GRIK4: variants seen among roughly 807,000 people sequenced by gnomAD.
GRIK4 encodes glutamate receptor ionotropic, kainate 4.
In GRIK4, 40 loss-of-function variants were observed where a neutral mutation model predicts 104.9. The observed-to-expected ratio is 0.38, with a 90% CI of 0.30 to 0.50. The LOEUF (loss-of-function observed/expected upper bound fraction) is 0.50, where lower values mean the gene tolerates loss of function less well. GRIK4 is among the 20% of genes least tolerant of loss of function. The pLI is 0.93. For missense variants in GRIK4, 1,047 were observed against 1,308.1 expected, an observed-to-expected ratio of 0.80 and a Z score of 3.08; for synonymous variants, 485 against 524.9, an observed-to-expected ratio of 0.92 and a Z score of 1.04.
At chr11:120,883,524 G>A (rs1375085022) in intron 11 of GRIK4, among the ~76,000 whole-genome samples, 1 of 152,176 alleles carries the variant, frequency 6.6e-6, no homozygotes, top group Non-Finnish European at 1.5e-5. Context: ...CAGGGACAAC[G>A]GTCAAGGGGC....
chr11:120,523,151 T>C (rs1052776613), intron 1 of GRIK4, among the ~76,000 whole-genome samples: 2 of 145,604 alleles, frequency 1.4e-5, no homozygotes, highest in African/African-American at 5.1e-5. Flanking sequence ...GAGCACAGAG[T>C]AGGCAACTAG....
At chr11:120,924,966 A>G (rs1316166516) in intron 13 of GRIK4, among the ~76,000 whole-genome samples, 2 of 152,222 alleles carry the variant, frequency 1.3e-5, no homozygotes, top group African/African-American at 4.8e-5. Flanking sequence ...ATAGGAAATG[A>G]GAAGGGGCCA....
At chr11:120,826,304 C>T (rs1015417578) in intron 6 of GRIK4, among the ~76,000 whole-genome samples, 12 of 152,060 alleles carry the variant, frequency 7.9e-5, no homozygotes, top group African/African-American at 2.9e-4. Flanking sequence ...ATGGGACGAC[C>T]GAGACCATCC....
rs10502237 is a variant in GRIK4 at position 120,524,395 on chromosome 11, C to T, written c.-159+12508C>T. ...AAGCTTGGATGGGCCGCCTTCGACT[C>T]GCAGATGTATGGGATTGAAAAGTCA... On this transcript the variant is annotated intron_variant, in intron 1 of 20. Transcript: ENST00000527524. The surrounding 1 kb of genome is among the most constrained non-coding windows in gnomAD (Gnocchi z 4.5). Among the ~76,000 whole-genome samples the T allele has an allele frequency of 0.012, 1,800 of 152,206 alleles. 35 individuals are homozygous for T. Among genetic ancestry groups the T allele is most frequent in the East Asian group, 0.058 (301 of 5,170 alleles).
intron 15 of GRIK4, among the ~76,000 whole-genome samples, chr11:120,954,641 G>A (rs768846547): frequency 1.3e-5 from 2 of 152,040 alleles, no homozygotes; most frequent in Non-Finnish European, 2.9e-5. Flanking sequence ...GCAGCCTAGA[G>A]CTTTCAACCA....
chr11:120,642,732 G>C (rs931942896), intron 1 of GRIK4, among the ~76,000 whole-genome samples: 1 of 152,146 alleles, frequency 6.6e-6, no homozygotes, highest in African/African-American at 2.4e-5. Flanking sequence ...AGCGGCCTTG[G>C]GTTCTCCTTG....
intron 3 of GRIK4, among the ~76,000 whole-genome samples, chr11:120,796,061 G>T (rs1378904269): frequency 1.4e-5 from 2 of 142,502 alleles, no homozygotes; most frequent in Admixed American, 1.4e-4. Flanking sequence ...TCCAAGACGG[G>T]GTCTCGCTCT....
intron 3 of GRIK4, among the ~76,000 whole-genome samples, chr11:120,681,192 T>C (rs894002902): frequency 1.3e-5 from 2 of 151,860 alleles, no homozygotes; most frequent in African/African-American, 2.4e-5. Context: ...AAGAAAGGGA[T>C]TGGGGAGGAA....
intron 3 of GRIK4, among the ~76,000 whole-genome samples, chr11:120,786,472 G>GC (rs1952277106): frequency 6.6e-6 from 1 of 152,098 alleles, no homozygotes; most frequent in African/African-American, 2.4e-5. Flanking sequence ...AGTGGAAAAG[G>GC]CCCAGTCCAT....
At chr11:120,655,315 A>G (rs557468589) in intron 2 of GRIK4, among the ~76,000 whole-genome samples, 61 of 152,020 alleles carry the variant, frequency 4.0e-4, no homozygotes, top group African/African-American at 1.3e-3. Context: ...AAGCACATGC[A>G]GGGGGCAGAG....
At chr11:120,540,409 T>G (rs1948021298) in intron 1 of GRIK4, among the ~76,000 whole-genome samples, 2 of 150,622 alleles carry the variant, frequency 1.3e-5, no homozygotes. Flanking sequence ...TCACTTGAGG[T>G]CAGGAGTTCG....
chr11:120,747,676 C>T (rs1394783507), intron 3 of GRIK4, among the ~76,000 whole-genome samples: 1 of 152,160 alleles, frequency 6.6e-6, no homozygotes, highest in Non-Finnish European at 1.5e-5. Context: ...GTGGTATTTT[C>T]GCTTAGTGAT....
intron 3 of GRIK4, among the ~76,000 whole-genome samples, chr11:120,709,988 AAGC>A (rs771987643): frequency 1.5e-4 from 23 of 152,332 alleles, no homozygotes; most frequent in Non-Finnish European, 2.1e-4. Context: ...GGAAACCAAG[AAGC>A]AGCCACGCAC....
chr11:120,975,157 T>C (rs1014705881), intron 19 of GRIK4, among the ~76,000 whole-genome samples: 6 of 152,176 alleles, frequency 3.9e-5, no homozygotes, highest in East Asian at 1.9e-4. Flanking sequence ...GCCAGTGGCA[T>C]TGACTCACAG....
At chr11:120,979,941 T>C (rs1944623945) in intron 19 of GRIK4, among the ~76,000 whole-genome samples, 1 of 151,322 alleles carries the variant, frequency 6.6e-6, no homozygotes, top group African/African-American at 2.4e-5. Flanking sequence ...TTCGAGTGAT[T>C]CTCCTATCTC....
intron 3 of GRIK4, among the ~76,000 whole-genome samples, chr11:120,690,056 A>C (rs1021375348): frequency 6.6e-6 from 1 of 152,124 alleles, no homozygotes; most frequent in Admixed American, 6.5e-5. Context: ...CATAAATTTT[A>C]TGTGAGGTTT....
chr11:120,531,624 G>A (rs2136081553), intron 1 of GRIK4, among the ~76,000 whole-genome samples: 1 of 151,694 alleles, frequency 6.6e-6, no homozygotes, highest in East Asian at 1.9e-4. Flanking sequence ...TGCTCAGGCT[G>A]GAGTGCAGTG....
chr11:120,807,849 C>G (rs1006514421), intron 4 of GRIK4, among the ~76,000 whole-genome samples: 14 of 152,170 alleles, frequency 9.2e-5, no homozygotes, highest in African/African-American at 3.4e-4. Flanking sequence ...AACTGAGGTT[C>G]AAGATCTTCT....
At chr11:120,523,228 G>C (rs1015094022) in intron 1 of GRIK4, among the ~76,000 whole-genome samples, 2 of 151,038 alleles carry the variant, frequency 1.3e-5, no homozygotes, top group Non-Finnish European at 2.9e-5. Context: ...GAAACGTAAC[G>C]GTCCTGCCAG....
Sources: gnomAD v4.1 joint callset for allele counts (sites outside exome capture counted in the v4.1 genomes callset) on GRCh38, gnomAD v4.1.1 for gene constraint, Gnocchi (gnomAD v3.1) non-coding constraint, MANE v1.5 for transcripts, NCBI Gene and HGNC (gene_info 2026-07-23, HGNC 2026-07-21) for gene names.